Variants in NOX4 observed in about 807,000 individuals in gnomAD.
NOX4 encodes kidney oxidase-1.
In NOX4, 69 loss-of-function variants were observed where a neutral mutation model predicts 87.6. The observed-to-expected ratio is 0.79, with a 90% confidence interval of 0.65 to 0.96. NOX4 has a LOEUF of 0.96. Ranked by LOEUF, NOX4 falls within the 40% of genes least tolerant of loss-of-function variation. NOX4 has a pLI of 0.00. For synonymous variants in NOX4, 275 were observed against 238.2 expected (o/e 1.15, Z -1.42); for missense variants, 680 against 681.5 (o/e 1.00, Z 0.02).
At position 89,325,112 on chromosome 11, in the gene NOX4, A is replaced by ATTTT. The variant is rs1590923384; in HGVS notation, c.*1643_*1644insAAAA. 3 of 71,244 alleles carry ATTTT rather than the reference A, an allele frequency of 4.2e-5. No individual in the cohort carries two copies. The highest frequency in any genetic ancestry group is 6.2e-5 in the Non-Finnish European group (2 of 32,280). 4.4% of individuals were successfully genotyped at this position (71,244 alleles called of 1,614,324 possible). On this transcript the variant is annotated 3_prime_UTR_variant, in exon 18 of 18. Transcript: ENST00000263317. ...ATCACTAAACTGTATGAATGCTTTA[A>ATTTT]TTCTTTTTTTTTTTTTTTTTTTTTT...
chr11:89,440,749 A>G, intron 5 of NOX4, 34 bp from the exon 6 acceptor site: 1 of 1,242,112 alleles, frequency 8.1e-7, no homozygotes, highest in South Asian at 1.3e-5. Context: ...ATGATTAAAA[A>G]CTAAAGCACT....
intron 8 of NOX4, among the ~76,000 whole-genome samples, chr11:89,418,638 A>G (rs1942924036): frequency 6.6e-6 from 1 of 151,892 alleles, no homozygotes; most frequent in South Asian, 2.1e-4. Context: ...CTTAACTTCC[A>G]TGGCCTCCAG....
At chr11:89,382,702 C>T (rs567466208) in intron 11 of NOX4, among the ~76,000 whole-genome samples, 80 of 152,156 alleles carry the variant, frequency 5.3e-4, no homozygotes, top group African/African-American at 1.8e-3. Context: ...AGACTCCACT[C>T]CCCCACCCTA....
In NOX4 at chr11:89,335,848, C is replaced by G. The variant is rs772226495; in HGVS notation, c.1613G>C (p.Arg538Thr). 3.2e-6 allele frequency: 5 copies of G among 1,557,320 alleles called. No individual in the cohort carries two copies. The highest frequency in any genetic ancestry group is 3.5e-5 in the Admixed American group (2 of 57,418). The change falls in exon 17 of 18, where the codon AGA becomes ACA. Residue 538 changes from arginine to threonine, a missense_variant. Arg to Thr is a moderately conservative substitution (Grantham distance 71, BLOSUM62 -1). Transcript: ENST00000263317. ...LLFDEIAKYN[R>T]GKTVGVFCCG... ...ATTTTTGAGGTATAGTACTTACCCT[C>G]TGTTATATTTTGCTATTTCATCAAA...
chr11:89,564,642 GA>G, the NOX4 span, among the ~76,000 whole-genome samples: 66 of 152,288 alleles, frequency 4.3e-4, no homozygotes, highest in African/African-American at 1.5e-3. Flanking sequence ...TTGCAACACA[GA>G]ACTTGACACA....
the NOX4 span, among the ~76,000 whole-genome samples, chr11:89,556,463 C>A: frequency 4.1e-5 from 6 of 146,216 alleles, no homozygotes; most frequent in Admixed American, 1.4e-4. Flanking sequence ...GCAGAGATTG[C>A]AGTGAACTGA....
intron 17 of NOX4, among the ~76,000 whole-genome samples, chr11:89,333,689 G>T (rs1342513675): frequency 1.3e-5 from 2 of 151,812 alleles, no homozygotes; most frequent in Admixed American, 1.3e-4. Context: ...CAATTTGTGT[G>T]CATGAGGTTA....
chr11:89,336,384 G>T (rs2135374993), intron 16 of NOX4, among the ~76,000 whole-genome samples: 1 of 151,924 alleles, frequency 6.6e-6, no homozygotes, highest in Non-Finnish European at 1.5e-5. Flanking sequence ...CTTCAACATT[G>T]AAGTATTTTG....
chr11:89,457,507 G>C (rs1182561335), intron 2 of NOX4, among the ~76,000 whole-genome samples: 2 of 152,156 alleles, frequency 1.3e-5, no homozygotes, highest in African/African-American at 4.8e-5. Flanking sequence ...AGCCCCCCGA[G>C]TGAATCAGAT....
intron 2 of NOX4, among the ~76,000 whole-genome samples, chr11:89,455,055 C>T (rs1281338199): frequency 1.3e-5 from 2 of 152,050 alleles, no homozygotes; most frequent in Non-Finnish European, 1.5e-5. Flanking sequence ...ACTCCAATAG[C>T]TCCTATAGGC....
chr11:89,578,227 T>G, the NOX4 span, among the ~76,000 whole-genome samples: 3 of 151,858 alleles, frequency 2.0e-5, no homozygotes, highest in Admixed American at 6.6e-5. Context: ...CGTGGCGTGA[T>G]CACGGCTTAC....
At chr11:89,536,217 G>A in the NOX4 span, among the ~76,000 whole-genome samples, 1 of 143,046 alleles carries the variant, frequency 7.0e-6, no homozygotes, top group Non-Finnish European at 1.5e-5. Context: ...CGCGATCTCG[G>A]CTCACTGCAA....
intron 11 of NOX4, among the ~76,000 whole-genome samples, chr11:89,379,419 C>T (rs907092039): frequency 3.3e-5 from 5 of 151,780 alleles, no homozygotes; most frequent in Non-Finnish European, 7.4e-5. Flanking sequence ...TAATTTTATC[C>T]CCAGATTCAC....
At chr11:89,568,176 A>G in the NOX4 span, among the ~76,000 whole-genome samples, 1 of 152,128 alleles carries the variant, frequency 6.6e-6, no homozygotes, top group East Asian at 1.9e-4. Context: ...AAACAAAGCC[A>G]CTCAGCTGAA....
intron 2 of NOX4, among the ~76,000 whole-genome samples, chr11:89,482,269 A>G (rs1322632855): frequency 6.6e-6 from 1 of 152,096 alleles, no homozygotes; most frequent in African/African-American, 2.4e-5. Flanking sequence ...TAAGGAGAAA[A>G]AAAAATACAT....
At chr11:89,460,312 G>A (rs1945395018) in intron 2 of NOX4, among the ~76,000 whole-genome samples, 1 of 152,038 alleles carries the variant, frequency 6.6e-6, no homozygotes, top group African/African-American at 2.4e-5. Flanking sequence ...TTGACAAATG[G>A]GATCTAATTA....
chr11:89,330,968 A>T (rs975691757), intron 17 of NOX4, among the ~76,000 whole-genome samples: 26 of 152,146 alleles, frequency 1.7e-4, no homozygotes, highest in African/African-American at 6.0e-4. Flanking sequence ...GAAAACTTGA[A>T]CATCACTATC....
At chr11:89,516,671 T>A in the NOX4 span, among the ~76,000 whole-genome samples, 2 of 152,116 alleles carry the variant, frequency 1.3e-5, no homozygotes, top group Non-Finnish European at 2.9e-5. Flanking sequence ...GCATGTAAAG[T>A]CTGGCTGTCA....
chr11:89,427,798 A>G (rs317133), intron 7 of NOX4, among the ~76,000 whole-genome samples: 88,724 of 152,044 alleles, frequency 0.58, 28,158 homozygotes, highest in African/African-American at 0.84. Context: ...ACACCATGCA[A>G]GATATTATCC....
Sources: gnomAD v4.1 joint callset for allele counts (sites outside exome capture counted in the v4.1 genomes callset) on GRCh38, gnomAD v4.1.1 for gene constraint, MANE v1.5 for transcripts, NCBI Gene and HGNC (gene_info 2026-07-23, HGNC 2026-07-21) for gene names.